BAZ2B: variants seen among roughly 807,000 people sequenced by gnomAD.
BAZ2B encodes bromodomain adjacent to zinc finger domain 2B, also known as bromodomain adjacent to zinc finger domain protein 2B.
BAZ2B carries 91 observed loss-of-function variants against 246.0 expected under a neutral mutation model. The observed-to-expected ratio is 0.37, with a 90% CI of 0.31 to 0.44. The LOEUF (loss-of-function observed/expected upper bound fraction) is 0.44. BAZ2B is among the 20% of genes least tolerant of loss of function. BAZ2B has a pLI of 1.00. For missense variants in BAZ2B, 2,332 were observed against 2,533.7 expected, an observed-to-expected ratio of 0.92 and a Z score of 1.71; for synonymous variants, 855 against 860.0, an observed-to-expected ratio of 0.99 and a Z score of 0.10.
intron 6 of BAZ2B, 23 bp from the exon 7 acceptor site, chr2:159,439,235 G>T (rs1330017784): frequency 1.9e-6 from 3 of 1,581,966 alleles, no homozygotes; most frequent in Non-Finnish European, 2.6e-6. Flanking sequence ...AAGGTAGTTG[G>T]CAAGACTTTA....
chr2:159,495,212 G>C (rs576759446), intron 2 of BAZ2B, among the ~76,000 whole-genome samples: 2 of 152,000 alleles, frequency 1.3e-5, no homozygotes, highest in South Asian at 4.1e-4. Context: ...AAGGCCGGGC[G>C]CGGTGGCTCA....
chr2:159,683,969 C>G, the BAZ2B span, among the ~76,000 whole-genome samples: 1 of 152,200 alleles, frequency 6.6e-6, no homozygotes, highest in Non-Finnish European at 1.5e-5. Context: ...TCAGCCTACA[C>G]AGTAGGCAAC....
the BAZ2B span, chr2:159,689,190 T>C: frequency 9.1e-6 from 4 of 440,314 alleles, no homozygotes; most frequent in Non-Finnish European, 1.7e-5. Flanking sequence ...GGACTTTTTA[T>C]TTGCCACTAT....
chr2:159,662,349 T>C, the BAZ2B span, among the ~76,000 whole-genome samples: 14 of 152,236 alleles, frequency 9.2e-5, no homozygotes, highest in South Asian at 4.1e-4. Context: ...TTAAGGTATA[T>C]ACCTAAATGT....
chr2:159,321,779 G>A (rs919936265), intron 36 of BAZ2B: 7 of 152,264 alleles, frequency 4.6e-5, no homozygotes, highest in Admixed American at 1.3e-4. Flanking sequence ...GGGAGGTGGG[G>A]ATAGTTAATG....
chr2:159,487,901 A>G (rs1452765383), intron 2 of BAZ2B, among the ~76,000 whole-genome samples: 3 of 152,056 alleles, frequency 2.0e-5, no homozygotes, highest in African/African-American at 4.8e-5. Context: ...CTAAGTTTGG[A>G]AAACTTATTT....
chr2:159,431,754 T>G (rs143182236), intron 9 of BAZ2B, among the ~76,000 whole-genome samples: 2 of 152,316 alleles, frequency 1.3e-5, no homozygotes, highest in East Asian at 3.9e-4. Flanking sequence ...CGTAGTTCTA[T>G]GTATGATGCA....
chr2:159,456,573 T>G (rs2075799978), intron 3 of BAZ2B, among the ~76,000 whole-genome samples: 1 of 152,098 alleles, frequency 6.6e-6, no homozygotes, highest in South Asian at 2.1e-4. Flanking sequence ...GCTGTATACA[T>G]CACAGATTCA....
At chr2:159,345,168 G>A (rs1022396741) in intron 31 of BAZ2B, among the ~76,000 whole-genome samples, 2 of 150,860 alleles carry the variant, frequency 1.3e-5, no homozygotes, top group East Asian at 2.0e-4. Context: ...CTGAGATCAC[G>A]CCACTATACT....
At chr2:159,619,534 CAATAAAAAT>C (rs1330810133), upstream of BAZ2B, among the ~76,000 whole-genome samples, 1 of 149,584 alleles carries the variant, frequency 6.7e-6, no homozygotes, top group Admixed American at 6.6e-5. Context: ...TTCTCTATTT[CAATAAAAAT>C]AATAAAAACT....
the BAZ2B span, among the ~76,000 whole-genome samples, chr2:159,670,306 C>G: frequency 1.2e-4 from 19 of 152,114 alleles, no homozygotes; most frequent in African/African-American, 3.9e-4. Flanking sequence ...TTTAAATACT[C>G]TTTAGTACTG....
chr2:159,412,792 A>G (rs1178813770), intron 13 of BAZ2B, among the ~76,000 whole-genome samples: 1 of 152,172 alleles, frequency 6.6e-6, no homozygotes, highest in Non-Finnish European at 1.5e-5. Flanking sequence ...ATCTGTATCT[A>G]TAAATGTAGA....
In BAZ2B at chr2:159,596,868, T is replaced by C. The variant is rs574942870; in HGVS notation, c.-46+19374A>G. Among the ~76,000 whole-genome samples the C allele has an allele frequency of 3.9e-5, 6 of 152,310 alleles. No individual in the cohort carries two copies. The South Asian group carries it at 8.3e-4, about 21-fold the overall frequency. On this transcript the variant is annotated intron_variant, in intron 1 of 36. Transcript: ENST00000392783. Reference sequence around the variant, plus strand: ...AGTTGCTGCAAATGCCATTAATTCATATCTTTTTCATATAATGACTTCTTT... The same window carrying C: ...AGTTGCTGCAAATGCCATTAATTCACATCTTTTTCATATAATGACTTCTTT...
the BAZ2B span, among the ~76,000 whole-genome samples, chr2:159,675,534 CA>C: frequency 6.6e-6 from 1 of 152,074 alleles, no homozygotes; most frequent in Admixed American, 6.6e-5. Flanking sequence ...CAAAGAAAGA[CA>C]ATCTGAAGAA....
the BAZ2B span, among the ~76,000 whole-genome samples, chr2:159,630,157 G>C: frequency 6.6e-6 from 1 of 152,070 alleles, no homozygotes; most frequent in South Asian, 2.1e-4. Context: ...TAATAAAAGA[G>C]AAACAAAGTT....
At chr2:159,687,611 T>C in the BAZ2B span, among the ~76,000 whole-genome samples, 1 of 152,254 alleles carries the variant, frequency 6.6e-6, no homozygotes, top group Admixed American at 6.5e-5. Context: ...GACCTCACCC[T>C]ATATGCCTCT....
At chr2:159,524,113 A>G (rs2084457954) in intron 2 of BAZ2B, among the ~76,000 whole-genome samples, 1 of 152,186 alleles carries the variant, frequency 6.6e-6, no homozygotes, top group African/African-American at 2.4e-5. Context: ...CAAATAAAAT[A>G]TGTGAAGAAG....
intron 34 of BAZ2B, among the ~76,000 whole-genome samples, chr2:159,329,312 A>C (rs1427071606): frequency 6.6e-6 from 1 of 152,162 alleles, no homozygotes; most frequent in Non-Finnish European, 1.5e-5. Context: ...AGATGACTTA[A>C]AGTATACAGG....
Position 159,433,292 on chromosome 2 carries a change from A to C in BAZ2B, c.1365T>G (p.Ile455Met). 1 of 1,614,096 alleles carries C rather than the reference A, an allele frequency of 6.2e-7. No homozygotes were observed. Among genetic ancestry groups the C allele is most frequent in the East Asian group, 2.2e-5 (1 of 44,882 alleles). ...TTGCTTTTGGATTTGACAAAGCTGC[A>C]ATAACCTTCTTCAGGCTCTTCGATG... is the stretch of plus-strand genomic sequence containing the variant. The part of the protein sequence containing the change: ...QESSKSLKKV[I>M]AALSNPKATS... Residue 455 changes from isoleucine to methionine, a missense_variant, in exon 9 of 37, where the codon ATT (isoleucine) becomes ATG (methionine). Ile to Met is a conservative substitution (Grantham distance 10). Around this residue, in one of 9 missense-constraint regions of BAZ2B, gnomAD observed 651 missense variants for 650.9 expected, o/e 1.00. Transcript: ENST00000392783.
Sources: allele counts gnomAD v4.1 joint callset (sites outside exome capture counted in the v4.1 genomes callset), GRCh38; gene constraint gnomAD v4.1.1; regional missense constraint gnomAD v4.1.1; transcripts MANE v1.5; gene names NCBI Gene and HGNC (gene_info 2026-07-23, HGNC 2026-07-21).